Variants in ARID2 observed in about 807,000 individuals in gnomAD.
The protein encoded by ARID2 is AT-rich interaction domain 2, also known as AT-rich interactive domain-containing protein 2.
A neutral mutation model predicts 184.6 loss-of-function variants in ARID2; 32 were observed. That is an observed-to-expected ratio of 0.17 (90% CI 0.13 to 0.23). The LOEUF is 0.23. ARID2 is among the 10% of genes least tolerant of loss of function. The probability of loss-of-function intolerance (pLI) is 1.00; values close to 1 mark genes in which losing one functional copy is unlikely to be tolerated. For missense variants in ARID2, 1,696 were observed against 2,197.6 expected (o/e 0.77, Z 4.56); for synonymous variants, 836 against 772.6 (o/e 1.08, Z -1.36).
At chr12:45,837,026 T>C (rs1288493297) in intron 8 of ARID2, 35 bp downstream of exon 8, 3 of 1,588,942 alleles carry the variant, frequency 1.9e-6, no homozygotes, top group Admixed American at 1.8e-5. Flanking sequence ...CTAGTTTTTA[T>C]AGTTAGCAAC....
intron 3 of ARID2, among the ~76,000 whole-genome samples, chr12:45,740,032 T>G (rs1389749231): frequency 6.6e-6 from 1 of 152,204 alleles, no homozygotes; most frequent in Non-Finnish European, 1.5e-5. Context: ...AGTTAGTGGC[T>G]TAGAGTAACT....
chr12:45,774,655 C>G (rs1250577514), intron 3 of ARID2, among the ~76,000 whole-genome samples: 1 of 152,074 alleles, frequency 6.6e-6, no homozygotes, highest in Non-Finnish European at 1.5e-5. Context: ...GACGATTCCT[C>G]CCTCCAAAGT....
At chr12:45,904,744 A>G (rs1443492933) in intron 20 of ARID2, among the ~76,000 whole-genome samples, 190 bp from the exon 21 acceptor site, 4 of 151,224 alleles carry the variant, frequency 2.6e-5, no homozygotes, top group African/African-American at 4.9e-5. Flanking sequence ...AAACAGTAAT[A>G]GTCAGCCTCA....
Position 45,859,675 on chromosome 12 carries a change from T to G in ARID2, c.4774-1126T>G, listed in dbSNP as rs149735221. 8.6e-3 allele frequency among the ~76,000 whole-genome samples: 1,304 copies of G among 152,308 alleles called. 21 individuals carry two copies. The highest frequency in any genetic ancestry group is 0.03 in the African/African-American group (1,255 of 41,566). On this transcript the variant is annotated intron_variant, in intron 15 of 20. Coordinates refer to ENST00000334344, the MANE Select transcript of ARID2 (RefSeq NM_152641.4). ...TAGTGTTTTTTCCAAGAGAAAGGGA[T>G]GGGATCTAAAAGAAAAAAATTATAG...
intron 3 of ARID2, among the ~76,000 whole-genome samples, chr12:45,782,113 A>G (rs1942103159): frequency 6.6e-6 from 1 of 152,188 alleles, no homozygotes; most frequent in African/African-American, 2.4e-5. Flanking sequence ...GTAGATTTAA[A>G]AAGATGACTT....
At chr12:45,779,385 A>G (rs1162699019) in intron 3 of ARID2, among the ~76,000 whole-genome samples, 1 of 152,086 alleles carries the variant, frequency 6.6e-6, no homozygotes, top group Non-Finnish European at 1.5e-5. Flanking sequence ...AATCTTTACT[A>G]TTTCATTTGT....
chr12:45,895,613 C>T (rs1323840566), intron 20 of ARID2, among the ~76,000 whole-genome samples: 1 of 152,242 alleles, frequency 6.6e-6, no homozygotes, highest in Non-Finnish European at 1.5e-5. Flanking sequence ...CGGCTCACTG[C>T]AACCTCTGCC....
rs2138170386 is a variant in ARID2 at position 45,851,365 on chromosome 12, C to T, written c.3242C>T (p.Ala1081Val). 3 of 1,614,170 alleles carry T rather than the reference C, an allele frequency of 1.9e-6. No individual in the cohort carries two copies. The highest frequency in any genetic ancestry group is 2.5e-6 in the Non-Finnish European group (3 of 1,180,002). The change falls in exon 15 of 21, where the codon GCT (alanine) becomes GTT (valine). Residue 1081 changes from alanine (A) to valine (V), a missense_variant. Physicochemically the swap from Ala to Val is moderately conservative, Grantham distance 64. Transcript: ENST00000334344. The stretch of plus-strand genomic sequence containing the variant: ...CCAGGTGGTAAGCTTATTCTCCCAG[C>T]TCCACAGATTCCTCCCCCTAATAAT... Reference protein sequence around the residue: ...STPGGKLILPAPQIPPPNNAR... With the variant: ...STPGGKLILPVPQIPPPNNAR...
intron 11 of ARID2, chr12:45,842,276 CAT>C (rs1943358881): frequency 6.7e-6 from 1 of 149,236 alleles, no homozygotes; most frequent in Non-Finnish European, 1.5e-5. Flanking sequence ...CATATATACA[CAT>C]ACACACACAT....
At chr12:45,855,197 A>G (rs928858352) in intron 15 of ARID2, among the ~76,000 whole-genome samples, 1 of 152,226 alleles carries the variant, frequency 6.6e-6, no homozygotes, top group Non-Finnish European at 1.5e-5. Context: ...CTAAATGATA[A>G]TTTTAGGACA....
At chr12:45,737,388 T>G (rs1339070489) in intron 3 of ARID2, among the ~76,000 whole-genome samples, 6 of 151,944 alleles carry the variant, frequency 3.9e-5, no homozygotes, top group Admixed American at 3.3e-4. Context: ...ACCATTGATT[T>G]GGAGTAAAGG....
rs1305500165 is a variant in ARID2, at chr12:45,850,356, C to G, written c.2233C>G (p.Gln745Glu). ...AGGACCTCCACAGAGTTCTGTTGTT[C>G]AGAATCATAGTACAGGGCCACAACC... ...GGGPPQSSVV[Q>E]NHSTGPQPVT... Residue 745 changes from glutamine (Q) to glutamate (E), a missense_variant, in exon 15 of 21, where the codon CAG (glutamine) becomes GAG (glutamate). Gln to Glu is a conservative substitution (Grantham distance 29). Transcript: ENST00000334344. 1 of 1,614,066 alleles carries G rather than the reference C, an allele frequency of 6.2e-7. No individual in the cohort carries two copies. Among genetic ancestry groups the G allele is most frequent in the South Asian group, 1.1e-5 (1 of 91,076 alleles).
At chr12:45,732,673 A>G (rs1452307274) in intron 3 of ARID2, among the ~76,000 whole-genome samples, 1 of 152,186 alleles carries the variant, frequency 6.6e-6, no homozygotes, top group African/African-American at 2.4e-5. Context: ...ATGTTAATAC[A>G]TATTCTGGTT....
intron 15 of ARID2, among the ~76,000 whole-genome samples, chr12:45,859,283 G>C (rs182944205): frequency 6.6e-6 from 1 of 152,038 alleles, no homozygotes; most frequent in African/African-American, 2.4e-5. Context: ...TATAGTATTC[G>C]GTACAGTAAC....
chr12:45,852,562 G>A lies in ARID2; in HGVS notation c.4439G>A (p.Gly1480Glu), dbSNP rs2138179704. The A allele has an allele frequency of 9.9e-6, 16 of 1,614,152 alleles. No individual in the cohort carries two copies. The highest frequency in any genetic ancestry group is 1.4e-5 in the Non-Finnish European group (16 of 1,180,012). ...CATTCTACAACCTCTGTTATACAGG[G>A]ACATCAAATCATAGCAGTTCCCGAC... ...SPHSTTSVIQ[G>E]HQIIAVPDSG... Residue 1480 changes from glycine to glutamate, a missense_variant, in exon 15 of 21, where the codon GGA (glycine) becomes GAA (glutamate). By Grantham distance (98) the Gly-to-Glu change is moderately conservative. This residue lies in a region of ARID2 where 428 missense variants were observed against 409.1 expected (regional missense o/e 1.05). Coordinates refer to ENST00000334344, the MANE Select transcript of ARID2 (RefSeq NM_152641.4).
Position 45,729,850 on chromosome 12 carries a change from C to T in ARID2, c.14C>T (p.Thr5Met), listed in dbSNP as rs374143008. The T allele has an allele frequency of 2.5e-6, 4 of 1,610,582 alleles. No homozygotes were observed. Among genetic ancestry groups the T allele is most frequent in the African/African-American group, 2.7e-5 (2 of 74,842 alleles). MANS[T>M]GKAPPDERRK... ...TTTGAAAAAATAATGGCAAACTCGA[C>T]GGGGAAGGCGCCTCCGGACGAGCGG... Residue 5 changes from threonine (T) to methionine (M), a missense_variant, in exon 1 of 21, where the codon ACG (threonine) becomes ATG (methionine). Physicochemically the swap from Thr to Met is moderately conservative, Grantham distance 81 (BLOSUM62 -1). Coordinates refer to ENST00000334344, the MANE Select transcript of ARID2 (RefSeq NM_152641.4).
rs1448949506 is a variant in ARID2 at position 45,851,465 on chromosome 12, A to G, written c.3342A>G (p.Gln1114=). The change falls in exon 15 of 21, where the codon CAA becomes CAG. Residue 1114 remains glutamine (Q), a synonymous_variant. Coordinates refer to ENST00000334344, the MANE Select transcript of ARID2 (RefSeq NM_152641.4). ...CCGCAGGTTTTGGAGTGCAGGGGCA[A>G]ACTCCAGCTCAGCAGCTATTGGTTG... The part of the protein sequence containing the change: ...NQAAGFGVQG[Q]TPAQQLLVGQ... 1.9e-6 allele frequency: 3 copies of G among 1,614,122 alleles called. No individual in the cohort carries two copies. Among genetic ancestry groups the G allele is most frequent in the Middle Eastern group, 1.6e-4 (1 of 6,062 alleles).
chr12:45,750,631 A>G (rs543956260), intron 3 of ARID2, among the ~76,000 whole-genome samples: 1 of 152,312 alleles, frequency 6.6e-6, no homozygotes, highest in South Asian at 2.1e-4. Context: ...GGATTTTGCA[A>G]AGTAACTACT....
At chr12:45,765,659 T>C (rs542459151) in intron 3 of ARID2, among the ~76,000 whole-genome samples, 1 of 152,270 alleles carries the variant, frequency 6.6e-6, no homozygotes, top group African/African-American at 2.4e-5. Flanking sequence ...TATTGAGATA[T>C]ATAATTGATG....
Sources: allele counts gnomAD v4.1 joint callset (sites outside exome capture counted in the v4.1 genomes callset), GRCh38; gene constraint gnomAD v4.1.1; regional missense constraint gnomAD v4.1.1; transcripts MANE v1.5; gene names NCBI Gene and HGNC (gene_info 2026-07-23, HGNC 2026-07-21).